Variants in SCML4 observed in about 807,000 individuals in gnomAD.
SCML4 encodes Scm polycomb group protein like 4.
A neutral mutation model predicts 41.1 loss-of-function variants in SCML4; 34 were observed. That is an observed-to-expected ratio of 0.83 (90% CI 0.63 to 1.10). The LOEUF (loss-of-function observed/expected upper bound fraction) is 1.10, where lower values mean the gene tolerates loss of function less well. Ranked by LOEUF, SCML4 falls within the 50% of genes least tolerant of loss-of-function variation. The pLI, the probability that SCML4 is intolerant of heterozygous loss-of-function variation, is 0.00. For missense variants in SCML4, 522 were observed against 534.1 expected (o/e 0.98, Z 0.22); for synonymous variants, 214 against 220.9 (o/e 0.97, Z 0.28).
intron 1 of SCML4, among the ~76,000 whole-genome samples, chr6:107,787,350 T>A (rs1030881095): frequency 1.3e-5 from 2 of 152,160 alleles, no homozygotes; most frequent in African/African-American, 4.8e-5. Flanking sequence ...AGACAGCAAT[T>A]GCTGCGAGAC....
At position 107,799,676 on chromosome 6, in the gene SCML4, A is replaced by G. The variant is rs867000191; in HGVS notation, c.-60+24450T>C. 5.3e-5 allele frequency among the ~76,000 whole-genome samples: 8 copies of G among 151,278 alleles called. No individual in the cohort carries two copies. In the South Asian group the frequency reaches 1.7e-3, roughly 32 times the overall value. ...ATTAGTTTTTTTATAATTTCTTTTC[A>G]TCTCTGCTTTTTGCCTGTAAATCAT... On this transcript the variant is annotated intron_variant, in intron 1 of 7. Coordinates refer to ENST00000369020, the MANE Select transcript of SCML4 (RefSeq NM_198081.5).
chr6:107,793,615 C>G (rs1782502840), intron 1 of SCML4, among the ~76,000 whole-genome samples: 1 of 152,174 alleles, frequency 6.6e-6, no homozygotes, highest in Non-Finnish European at 1.5e-5. Context: ...ATCCTAAACT[C>G]TAAGAAGCCC....
chr6:107,802,736 C>A lies in SCML4; in HGVS notation c.-60+21390G>T, dbSNP rs1315254781. Among the ~76,000 whole-genome samples the A allele has an allele frequency of 1.2e-4, 18 of 146,236 alleles. 1 individual carries two copies. In the South Asian group the frequency reaches 3.7e-3, roughly 30 times the overall value. ...TCTCCCTCTCCCTCTCCCCCTCCCT[C>A]TCCCTCTCCCCACGGTCTCCCTCTC... On this transcript the variant is annotated intron_variant, in intron 1 of 7. Coordinates refer to ENST00000369020, the MANE Select transcript of SCML4 (RefSeq NM_198081.5).
intron 5 of SCML4, chr6:107,732,485 C>T (rs1211445366): frequency 6.6e-6 from 1 of 152,248 alleles, no homozygotes; most frequent in Non-Finnish European, 1.5e-5. Context: ...TGCACAGCAA[C>T]CGACCATAAT....
At chr6:107,729,887 T>C (rs1776369154) in intron 5 of SCML4, among the ~76,000 whole-genome samples, 2 of 152,208 alleles carry the variant, frequency 1.3e-5, no homozygotes, top group Admixed American at 1.3e-4. Context: ...ATTTGAAAGC[T>C]TCCCCAAAGA....
At chr6:107,711,348 G>A (rs1006573644) in intron 6 of SCML4, among the ~76,000 whole-genome samples, 8 of 152,148 alleles carry the variant, frequency 5.3e-5, no homozygotes, top group African/African-American at 9.7e-5. Flanking sequence ...GCCTAAGGAC[G>A]GTGGTCCCAT....
upstream of SCML4, among the ~76,000 whole-genome samples, chr6:107,825,971 TG>T (rs1462744455): frequency 7.2e-6 from 1 of 138,270 alleles, no homozygotes; most frequent in Non-Finnish European, 1.5e-5. Context: ...ATAAGATGGA[TG>T]GGCTAGGTGT....
intron 2 of SCML4, among the ~76,000 whole-genome samples, chr6:107,764,678 C>CA (rs748488524): frequency 3.3e-5 from 5 of 152,072 alleles, no homozygotes; most frequent in Admixed American, 6.5e-5. Context: ...AAAAGAAAAA[C>CA]AAAAAAGTTC....
chr6:107,822,192 C>G (rs1291850835), intron 1 of SCML4, among the ~76,000 whole-genome samples: 1 of 152,096 alleles, frequency 6.6e-6, no homozygotes, highest in Non-Finnish European at 1.5e-5. Flanking sequence ...GAAAGTGTTA[C>G]TGAGTATTTT....
At chr6:107,835,503 G>A in the SCML4 span, among the ~76,000 whole-genome samples, 1 of 152,118 alleles carries the variant, frequency 6.6e-6, no homozygotes, top group Non-Finnish European at 1.5e-5. Context: ...ACTTCGGGAG[G>A]CCAAAAGAGG....
In SCML4 at chr6:107,705,177, T is replaced by C; in HGVS notation, c.*23A>G. ...ATCTTGGGATCTGTTGTTTTGGGTT[T>C]CGCTTCTGTCTTTTTAAAAAAGTCA... On this transcript the variant is annotated 3_prime_UTR_variant, in exon 8 of 8. Transcript: ENST00000369020. The C allele has an allele frequency of 6.5e-7, 1 of 1,550,350 alleles. No individual in the cohort carries two copies. Among genetic ancestry groups the C allele is most frequent in the Non-Finnish European group, 8.7e-7 (1 of 1,145,752 alleles).
At chr6:107,764,912 A>G (rs1218094283) in intron 2 of SCML4, among the ~76,000 whole-genome samples, 1 of 152,162 alleles carries the variant, frequency 6.6e-6, no homozygotes. Flanking sequence ...CTGCCACCAT[A>G]TAAGACATAC....
At chr6:107,729,568 G>A (rs1209100590) in intron 5 of SCML4, among the ~76,000 whole-genome samples, 1 of 152,090 alleles carries the variant, frequency 6.6e-6, no homozygotes, top group Non-Finnish European at 1.5e-5. Context: ...TTCAGCCTAC[G>A]ACAACCAGTA....
Position 107,746,855 on chromosome 6 carries a change from C to G in SCML4, c.321G>C (p.Gly107=). The change falls in exon 4 of 8, where the codon GGG becomes GGC. Residue 107 remains glycine (G), a synonymous_variant. Coordinates refer to ENST00000369020, the MANE Select transcript of SCML4 (RefSeq NM_198081.5). The part of the protein sequence containing the change: ...CLYINKQANA[G]PYLERKKVQQ... ...GCACCTTCTTCCTCTCCAGATAGGG[C>G]CCCGCATTGGCCTGCTTGTTGATGT... is the stretch of plus-strand genomic sequence containing the variant. 6.2e-7 allele frequency: 1 copy of G among 1,613,978 alleles called. No individual in the cohort carries two copies. The highest frequency in any genetic ancestry group is 1.1e-5 in the South Asian group (1 of 91,020).
At chr6:107,784,442 C>T (rs1781728911) in intron 1 of SCML4, among the ~76,000 whole-genome samples, 1 of 152,174 alleles carries the variant, frequency 6.6e-6, no homozygotes, top group South Asian at 2.1e-4. Context: ...TGCTATCATA[C>T]AGTGGGTAAA....
At chr6:107,733,789 C>A (rs539206299) in intron 5 of SCML4, among the ~76,000 whole-genome samples, 85 of 152,348 alleles carry the variant, frequency 5.6e-4, no homozygotes, top group African/African-American at 2.0e-3. Flanking sequence ...TGGTTTCCAA[C>A]CCCTTGGATC....
intron 1 of SCML4, among the ~76,000 whole-genome samples, chr6:107,808,956 A>G (rs1583646371): frequency 6.6e-6 from 1 of 152,238 alleles, no homozygotes; most frequent in Non-Finnish European, 1.5e-5. Context: ...GAGTGAGTAC[A>G]TCAGTGCTAT....
intron 1 of SCML4, among the ~76,000 whole-genome samples, chr6:107,810,548 C>A (rs1784082175): frequency 6.6e-6 from 1 of 152,074 alleles, no homozygotes. Flanking sequence ...AGAGTTGAAA[C>A]CTTCCTGAAG....
chr6:107,724,713 A>G (rs1775779940), intron 5 of SCML4, among the ~76,000 whole-genome samples: 1 of 152,200 alleles, frequency 6.6e-6, no homozygotes, highest in South Asian at 2.1e-4. Context: ...AAATTGATCT[A>G]CAGATTCAGC....
Sources: gnomAD v4.1 joint callset for allele counts (sites outside exome capture counted in the v4.1 genomes callset) on GRCh38, gnomAD v4.1.1 for gene constraint, MANE v1.5 for transcripts, NCBI Gene and HGNC (gene_info 2026-07-23, HGNC 2026-07-21) for gene names.